Variants in CARMIL1 observed in about 807,000 individuals in gnomAD.
The protein encoded by CARMIL1 is capping protein regulator and myosin 1 linker 1.
In CARMIL1, 90 loss-of-function variants were observed where a neutral mutation model predicts 177.1. That is an observed-to-expected ratio of 0.51 (90% CI 0.43 to 0.61). The LOEUF is 0.61. CARMIL1 is among the 20% of genes least tolerant of loss of function. The pLI is 0.00. For missense variants in CARMIL1, 1,380 were observed against 1,667.0 expected (o/e 0.83, Z 3.00); for synonymous variants, 577 against 606.2 (o/e 0.95, Z 0.71).
At chr6:25,548,017 A>G (rs1809685754) in intron 26 of CARMIL1, among the ~76,000 whole-genome samples, 1 of 152,172 alleles carries the variant, frequency 6.6e-6, no homozygotes. Context: ...CTAGGCCAAG[A>G]AAACATTGTG....
At chr6:25,547,962 G>C (rs964685299) in intron 26 of CARMIL1, among the ~76,000 whole-genome samples, 2 of 152,154 alleles carry the variant, frequency 1.3e-5, no homozygotes, top group Non-Finnish European at 2.9e-5. Context: ...GAGTGTAGAG[G>C]AGTACAGATG....
At chr6:25,508,999 G>T (rs542916785) in intron 17 of CARMIL1, among the ~76,000 whole-genome samples, 1 of 152,124 alleles carries the variant, frequency 6.6e-6, no homozygotes, top group Non-Finnish European at 1.5e-5. Flanking sequence ...TGCAAATGAG[G>T]TGAGAATAAT....
intron 2 of CARMIL1, among the ~76,000 whole-genome samples, chr6:25,333,603 G>A (rs944601055): frequency 6.6e-6 from 1 of 152,122 alleles, no homozygotes; most frequent in Non-Finnish European, 1.5e-5. Context: ...TTTAAGAGGA[G>A]GATTAGTAAA....
chr6:25,502,750 C>G (rs1422128292), intron 17 of CARMIL1, among the ~76,000 whole-genome samples: 1 of 152,078 alleles, frequency 6.6e-6, no homozygotes, highest in East Asian at 1.9e-4. Context: ...TATAGGTAAA[C>G]TGAGGTTGAA....
In CARMIL1 at chr6:25,592,279, C is replaced by T. The variant is rs148596928; in HGVS notation, c.3007-2136C>T. 3.0e-3 allele frequency among the ~76,000 whole-genome samples: 453 copies of T among 152,254 alleles called. 3 individuals carry two copies. Among genetic ancestry groups the T allele is most frequent in the African/African-American group, 9.6e-3 (400 of 41,540 alleles). On this transcript the variant is annotated intron_variant, in intron 31 of 36. Transcript: ENST00000329474. Reference sequence around the variant, plus strand: ...GGTAGACATAAGGGTGACATAATAACGTGTAAAACACATGTAAACTGTCAA... The same window carrying T: ...GGTAGACATAAGGGTGACATAATAATGTGTAAAACACATGTAAACTGTCAA...
intron 2 of CARMIL1, among the ~76,000 whole-genome samples, chr6:25,319,974 A>G (rs899034234): frequency 6.6e-6 from 1 of 152,034 alleles, no homozygotes; most frequent in African/African-American, 2.4e-5. Context: ...TATGAAGAAA[A>G]CTTACTTGCA....
At chr6:25,612,053 G>A (rs1257777884) in intron 36 of CARMIL1, among the ~76,000 whole-genome samples, 2 of 152,182 alleles carry the variant, frequency 1.3e-5, no homozygotes, top group Non-Finnish European at 2.9e-5. Flanking sequence ...CCAGTCAGAC[G>A]GTAGGGATGG....
chr6:25,519,996 A>G (rs933485372), intron 22 of CARMIL1, among the ~76,000 whole-genome samples: 2 of 152,236 alleles, frequency 1.3e-5, no homozygotes, highest in African/African-American at 4.8e-5. Flanking sequence ...AAACAAAACA[A>G]CAAAACTGCA....
chr6:25,604,050 AG>A (rs745415966), intron 33 of CARMIL1, among the ~76,000 whole-genome samples: 20 of 152,264 alleles, frequency 1.3e-4, no homozygotes, highest in East Asian at 9.6e-4. Context: ...GAGGTTGGAA[AG>A]GTTTCTGCTG....
rs1562112447 is a variant in CARMIL1, at chr6:25,420,110, A to G, written c.139-4A>G. 3 of 1,612,108 alleles carry G rather than the reference A, an allele frequency of 1.9e-6. No individual in the cohort carries two copies. Among genetic ancestry groups the G allele is most frequent in the Non-Finnish European group, 1.7e-6 (2 of 1,178,242 alleles). ...ATACTGATGCTGCTGCTTCTGTCTT[A>G]CAGGTCCTTACATCATGCCGAGCCT... On this transcript the variant is annotated splice_region_variant and splice_polypyrimidine_tract_variant and intron_variant, in intron 2 of 36. Transcript: ENST00000329474.
At chr6:25,476,903 A>G (rs1289259009) in intron 11 of CARMIL1, among the ~76,000 whole-genome samples, 2 of 152,010 alleles carry the variant, frequency 1.3e-5, no homozygotes, top group Non-Finnish European at 2.9e-5. Context: ...ATCCTGGTCA[A>G]TGTGGTGAAA....
chr6:25,563,121 A>G lies in CARMIL1; in HGVS notation c.2742+6271A>G, dbSNP rs927868873. On this transcript the variant is annotated intron_variant, in intron 29 of 36. Transcript: ENST00000329474. Reference sequence around the variant, plus strand: ...TTATTTACAAGCAGTCACAGATTTAATGGCTCCTGGGTATAGTACAGTAGA... The same window carrying G: ...TTATTTACAAGCAGTCACAGATTTAGTGGCTCCTGGGTATAGTACAGTAGA... 1.1e-5 allele frequency: 6 copies of G among 524,720 alleles called. No individual in the cohort carries two copies. The African/African-American group carries it at 1.2e-4, about 11-fold the overall frequency. The allele number at this position is 524,720 out of a possible 1,614,324, so 32.5% of individuals were successfully genotyped here.
chr6:25,506,044 G>C (rs1212901979), intron 17 of CARMIL1, among the ~76,000 whole-genome samples: 1 of 152,182 alleles, frequency 6.6e-6, no homozygotes, highest in African/African-American at 2.4e-5. Context: ...CATTTGTAAT[G>C]AGTTTTGCAG....
intron 2 of CARMIL1, among the ~76,000 whole-genome samples, chr6:25,318,090 C>T (rs1784414278): frequency 6.6e-6 from 1 of 152,150 alleles, no homozygotes; most frequent in Non-Finnish European, 1.5e-5. Flanking sequence ...TGGAATGTGC[C>T]AGACCAAGCA....
chr6:25,613,841 G>A (rs780980379), intron 36 of CARMIL1, among the ~76,000 whole-genome samples: 2 of 152,190 alleles, frequency 1.3e-5, no homozygotes, highest in Non-Finnish European at 1.5e-5. Context: ...ATAGATGCAT[G>A]TATTTAGGCT....
intron 2 of CARMIL1, among the ~76,000 whole-genome samples, chr6:25,308,382 T>A (rs1783455538): frequency 6.7e-6 from 1 of 148,340 alleles, no homozygotes; most frequent in Non-Finnish European, 1.5e-5. Flanking sequence ...CAACCATTTT[T>A]TTTTTTTTTT....
chr6:25,400,488 T>A (rs889424150), intron 2 of CARMIL1, among the ~76,000 whole-genome samples: 1 of 152,172 alleles, frequency 6.6e-6, no homozygotes, highest in African/African-American at 2.4e-5. Flanking sequence ...ATTGTCACCT[T>A]TTGTTGTAAA....
rs942947574 is a variant in CARMIL1 at position 25,279,498 on chromosome 6, C to T, written c.-298C>T. On this transcript the variant is annotated 5_prime_UTR_variant, in exon 1 of 37. Coordinates refer to ENST00000329474, the MANE Select transcript of CARMIL1 (RefSeq NM_017640.6). ...CCGGGAGGAGGAGCAGGCGCCACAGCCGCCCCGCGCCCCGCGCCCGCTTGT... is the reference window on the plus strand; with the variant it reads ...CCGGGAGGAGGAGCAGGCGCCACAGTCGCCCCGCGCCCCGCGCCCGCTTGT... 6 of 486,662 alleles carry T rather than the reference C, an allele frequency of 1.2e-5. No homozygotes were observed. The highest frequency in any genetic ancestry group is 6.8e-5 in the Admixed American group (2 of 29,628). 30.1% of individuals were successfully genotyped at this position (486,662 alleles called of 1,614,324 possible).
chr6:25,546,887 T>TA lies in CARMIL1; in HGVS notation c.2329-4015dup, dbSNP rs199844287. The stretch of plus-strand genomic sequence containing the variant: ...TAACATGGCAAAACCCCATCTCTAC[T>TA]AAAAAAAATACAAAAAAAGTAGCCA... On this transcript the variant is annotated intron_variant, in intron 26 of 36. Transcript: ENST00000329474. Among the ~76,000 whole-genome samples, 178 of 150,966 alleles carry TA rather than the reference T, an allele frequency of 1.2e-3. 3 individuals are homozygous for TA. The East Asian group carries it at 0.018, about 15-fold the overall frequency.
Sources: gnomAD v4.1 joint callset for allele counts (sites outside exome capture counted in the v4.1 genomes callset) on GRCh38, gnomAD v4.1.1 for gene constraint, MANE v1.5 for transcripts, NCBI Gene and HGNC (gene_info 2026-07-23, HGNC 2026-07-21) for gene names.